Variants in PPHLN1 observed in about 807,000 individuals in gnomAD.
PPHLN1 encodes the protein periphilin 1, also known as periphilin-1.
In PPHLN1, 29 loss-of-function variants were observed where a neutral mutation model predicts 51.3. The ratio of observed to expected loss-of-function variants is 0.57; its 90% CI spans 0.42 to 0.77. PPHLN1 has a LOEUF of 0.77. Among genes scored for constraint, PPHLN1 ranks in the 30% least tolerant of loss-of-function variants. The probability of loss-of-function intolerance (pLI) is 0.00; values close to 1 mark genes in which losing one functional copy is unlikely to be tolerated. For synonymous variants in PPHLN1, 147 were observed against 147.8 expected (o/e 0.99, Z 0.04); for missense variants, 436 against 438.4 (o/e 0.99, Z 0.05).
intron 9 of PPHLN1, among the ~76,000 whole-genome samples, chr12:42,426,216 A>ACACACACG (rs1566010318): frequency 7.4e-6 from 1 of 135,058 alleles, no homozygotes; most frequent in East Asian, 2.2e-4. Context: ...ACACACACAC[A>ACACACACG]CACACACACA....
chr12:42,422,236 C>A (rs941449633), intron 9 of PPHLN1, among the ~76,000 whole-genome samples: 4 of 152,162 alleles, frequency 2.6e-5, no homozygotes, highest in Non-Finnish European at 5.9e-5. Flanking sequence ...TACTACAACA[C>A]AAATAACACT....
chr12:42,372,031 CT>C (rs1378506372), intron 4 of PPHLN1, among the ~76,000 whole-genome samples: 23 of 152,176 alleles, frequency 1.5e-4, no homozygotes, highest in African/African-American at 5.3e-4. Flanking sequence ...TCCTCACCCC[CT>C]CTCACCCTAC....
intron 5 of PPHLN1, among the ~76,000 whole-genome samples, chr12:42,376,044 A>G (rs1565872435): frequency 1.3e-5 from 2 of 152,374 alleles, no homozygotes; most frequent in South Asian, 2.1e-4. Context: ...ATGAGTTGAC[A>G]TGAGCATGTC....
chr12:42,418,211 CTTTTTTTT>C (rs60029170), intron 9 of PPHLN1, among the ~76,000 whole-genome samples: 2,646 of 98,360 alleles, frequency 0.027, 84 homozygotes, highest in East Asian at 0.13. Flanking sequence ...TCCCGGCCCT[CTTTTTTTT>C]TTTTTTTTTT....
At chr12:42,336,462 G>A (rs929837780) in intron 2 of PPHLN1, among the ~76,000 whole-genome samples, 3 of 152,148 alleles carry the variant, frequency 2.0e-5, no homozygotes, top group African/African-American at 7.2e-5. Context: ...GTGCTGTCCT[G>A]TGGTCAGGCA....
chr12:42,368,296 G>A (rs2075468066), intron 4 of PPHLN1, among the ~76,000 whole-genome samples: 1 of 151,842 alleles, frequency 6.6e-6, no homozygotes, highest in Non-Finnish European at 1.5e-5. Flanking sequence ...CAATTCACCT[G>A]AATTTATCAT....
At chr12:42,389,491 C>T (rs1238757382) in intron 7 of PPHLN1, among the ~76,000 whole-genome samples, 4 of 152,012 alleles carry the variant, frequency 2.6e-5, no homozygotes, top group Admixed American at 6.5e-5. Context: ...ATCCGGGAGG[C>T]GGGTGTTGCA....
intron 7 of PPHLN1, among the ~76,000 whole-genome samples, chr12:42,391,261 C>T (rs910121346): frequency 2.6e-5 from 4 of 152,084 alleles, no homozygotes; most frequent in African/African-American, 4.8e-5. Flanking sequence ...AAGGGCAGAA[C>T]GGAGTTTCAC....
chr12:42,378,952 T>G (rs1164942882), intron 5 of PPHLN1, among the ~76,000 whole-genome samples: 1 of 152,100 alleles, frequency 6.6e-6, no homozygotes, highest in South Asian at 2.1e-4. Context: ...CAGTGCAGAT[T>G]GTCCCAGTTA....
At chr12:42,394,311 T>C (rs1007253343) in intron 8 of PPHLN1, among the ~76,000 whole-genome samples, 1 of 152,170 alleles carries the variant, frequency 6.6e-6, no homozygotes, top group Non-Finnish European at 1.5e-5. Flanking sequence ...TGGTCACAAT[T>C]AAGCTTTTAG....
At chr12:42,391,668 A>G (rs558358942) in intron 7 of PPHLN1, among the ~76,000 whole-genome samples, 2 of 152,130 alleles carry the variant, frequency 1.3e-5, no homozygotes, top group East Asian at 1.9e-4. Flanking sequence ...GTGTTTGTAT[A>G]TGTGTTTTCT....
At chr12:42,426,607 A>G (rs2081522116) in intron 9 of PPHLN1, among the ~76,000 whole-genome samples, 1 of 152,252 alleles carries the variant, frequency 6.6e-6, no homozygotes, top group African/African-American at 2.4e-5. Context: ...GTAACTTAAT[A>G]CTTCTAATTT....
At chr12:42,340,042 C>A (rs544906583) in intron 2 of PPHLN1, among the ~76,000 whole-genome samples, 7 of 152,314 alleles carry the variant, frequency 4.6e-5, no homozygotes, top group Admixed American at 2.0e-4. Flanking sequence ...TACAGTGGCT[C>A]TTGCCTATAA....
At chr12:42,350,978 G>T (rs987205844) in intron 2 of PPHLN1, among the ~76,000 whole-genome samples, 1 of 151,746 alleles carries the variant, frequency 6.6e-6, no homozygotes, top group African/African-American at 2.4e-5. Flanking sequence ...AGGAGGGAGA[G>T]GGGGAGACCA....
In PPHLN1 at chr12:42,398,937, T is replaced by C; in HGVS notation, c.852T>C (p.Asp284=). The C allele has an allele frequency of 1.2e-6, 2 of 1,614,094 alleles. No individual in the cohort carries two copies. Among genetic ancestry groups the C allele is most frequent in the Non-Finnish European group, 8.5e-7 (1 of 1,179,944 alleles). The change falls in exon 9 of 10, where the codon GAT becomes GAC. Residue 284 remains aspartate (D), a synonymous_variant. Coordinates refer to ENST00000358314, the MANE Select transcript of PPHLN1 (RefSeq NM_201439.2). ...NTTHGIELFE[D]SQLTTRSKAI... is the part of the protein sequence containing the mutation. ...CACATGGGATAGAATTATTTGAAGATAGTCAGCTAACCACTCGCTCTAAAG... is the reference window on the plus strand; with the variant it reads ...CACATGGGATAGAATTATTTGAAGACAGTCAGCTAACCACTCGCTCTAAAG...
At chr12:42,399,305 A>G (rs770002461) in intron 9 of PPHLN1, 15 of 888,236 alleles carry the variant, frequency 1.7e-5, no homozygotes, top group Non-Finnish European at 2.0e-5. Context: ...TCAATGTAGC[A>G]AAATGTTAGC....
chr12:42,432,176 C>T, intron 9 of PPHLN1: 4 of 854,508 alleles, frequency 4.7e-6, no homozygotes, highest in South Asian at 1.3e-5. Flanking sequence ...TGACCAATCA[C>T]TCAGCTTGTC....
chr12:42,345,508 G>A (rs1481705713), intron 2 of PPHLN1, among the ~76,000 whole-genome samples: 2 of 151,658 alleles, frequency 1.3e-5, no homozygotes, highest in East Asian at 1.9e-4. Flanking sequence ...TAACTTTGGA[G>A]TAGCAAATCC....
At chr12:42,402,076 C>T (rs1471745413) in intron 9 of PPHLN1, among the ~76,000 whole-genome samples, 4 of 150,366 alleles carry the variant, frequency 2.7e-5, no homozygotes, top group African/African-American at 4.9e-5. Flanking sequence ...CCATGTTGGT[C>T]GCCAACTTCT....
Sources: allele counts gnomAD v4.1 joint callset (sites outside exome capture counted in the v4.1 genomes callset), GRCh38; gene constraint gnomAD v4.1.1; transcripts MANE v1.5; gene names NCBI Gene and HGNC (gene_info 2026-07-23, HGNC 2026-07-21).